ALPK2: variants seen among roughly 807,000 people sequenced by gnomAD.
ALPK2 encodes alpha-protein kinase 2.
A neutral mutation model predicts 163.1 loss-of-function variants in ALPK2; 127 were observed. That is an observed-to-expected ratio of 0.78 (90% confidence interval 0.67 to 0.90). The LOEUF (loss-of-function observed/expected upper bound fraction) is 0.90. ALPK2 is among the 40% of genes least tolerant of loss of function. The pLI, the probability that ALPK2 is intolerant of heterozygous loss-of-function variation, is 0.00. For missense variants in ALPK2, 2,360 were observed against 2,589.6 expected (o/e 0.91, Z 1.92); for synonymous variants, 953 against 959.1 (o/e 0.99, Z 0.12).
Position 58,536,976 on chromosome 18 carries a change from C to A in ALPK2, c.3211G>T (p.Glu1071Ter), listed in dbSNP as rs144840598. The A allele has an allele frequency of 1.9e-6, 3 of 1,614,060 alleles. No individual in the cohort carries two copies. The African/African-American group carries it at 4.0e-5, about 22-fold the overall frequency. The change falls in exon 5 of 13, where the codon GAG becomes TAG. Residue 1071 changes from glutamate (E) to a stop codon, truncating the protein, a stop_gained. Transcript: ENST00000361673. LOFTEE classifies it high-confidence loss of function. ...ACACTGGGTGCCCTGCAAAGTAGCT[C>A]TTTTGTAGATTTGATGGTAGCACCA... ...LSGATIKSTKELLCRAPSVPG... is the reference protein window; with the variant it reads ...LSGATIKSTK
Position 58,540,383 on chromosome 18 carries a change from C to G in ALPK2, c.1963-2159G>C, listed in dbSNP as rs538221871. On this transcript the variant is annotated intron_variant, in intron 4 of 12. Transcript: ENST00000361673. ...TCCCGGAAAGAAAAGTATATTTATT[C>G]CCTTTCTATATCCCTTTTTCTTCTT... Among the ~76,000 whole-genome samples, 3 of 152,244 alleles carry G rather than the reference C, an allele frequency of 2.0e-5. No homozygotes were observed. The South Asian group carries it at 6.2e-4, about 32-fold the overall frequency.
chr18:58,546,203 C>G (rs2051716684), intron 4 of ALPK2, among the ~76,000 whole-genome samples: 1 of 152,194 alleles, frequency 6.6e-6, no homozygotes, highest in East Asian at 1.9e-4. Flanking sequence ...CCTAAACACC[C>G]CTATATCTGA....
intron 6 of ALPK2, chr18:58,528,713 A>T (rs2051596408): frequency 4.5e-6 from 1 of 220,564 alleles, no homozygotes; most frequent in Non-Finnish European, 9.1e-6. Context: ...CTGGGAATTT[A>T]TGAAACAGAA....
chr18:58,573,306 ATATATATGTGTG>A (rs2051897875), intron 4 of ALPK2, among the ~76,000 whole-genome samples: 1 of 90,540 alleles, frequency 1.1e-5, no homozygotes, highest in Non-Finnish European at 2.3e-5. Context: ...ATATGTGTGT[ATATATATGTGTG>A]TATATATGTA....
At chr18:58,551,303 C>T (rs2051759001) in intron 4 of ALPK2, among the ~76,000 whole-genome samples, 1 of 152,144 alleles carries the variant, frequency 6.6e-6, no homozygotes, top group Admixed American at 6.5e-5. Flanking sequence ...TGGAGGTCCT[C>T]CCTTGCCTCT....
chr18:58,549,729 G>A lies in ALPK2; in HGVS notation c.1963-11505C>T, dbSNP rs116291653. On this transcript the variant is annotated intron_variant, in intron 4 of 12. Coordinates refer to ENST00000361673, the MANE Select transcript of ALPK2 (RefSeq NM_052947.4). ...ATAACAAAATTTTCTTTCTGATTAA[G>A]CCTATTCTGGTCCAATCCCTTGGGC... 4.5e-3 allele frequency among the ~76,000 whole-genome samples: 684 copies of A among 152,272 alleles called. 4 individuals carry two copies. The highest frequency in any genetic ancestry group is 0.015 in the African/African-American group (631 of 41,542).
At chr18:58,608,957 CAAA>C (rs1003841164) in intron 2 of ALPK2, among the ~76,000 whole-genome samples, 2 of 117,058 alleles carry the variant, frequency 1.7e-5, no homozygotes, top group Admixed American at 9.3e-5. Flanking sequence ...GACCTTGTCT[CAAA>C]AAAAAAAAAA....
chr18:58,559,110 T>G (rs1407947882), intron 4 of ALPK2, among the ~76,000 whole-genome samples: 3 of 152,244 alleles, frequency 2.0e-5, no homozygotes, highest in Non-Finnish European at 2.9e-5. Flanking sequence ...ACTATTTTCT[T>G]TCCCAACTGT....
chr18:58,603,413 C>G (rs1475894650), intron 3 of ALPK2, among the ~76,000 whole-genome samples: 1 of 152,210 alleles, frequency 6.6e-6, no homozygotes, highest in Non-Finnish European at 1.5e-5. Flanking sequence ...GCCCGGTGCT[C>G]TATGGACCTG....
In ALPK2 at chr18:58,523,948, G is replaced by T; in HGVS notation, c.5616C>A (p.Asn1872Lys). Reference protein sequence around the residue: ...NSYGKVTAEFNLTAEVLKQLS... With the variant: ...NSYGKVTAEFKLTAEVLKQLS... ...ACTGTGGTTTACCTTCAGCTGTGAG[G>T]TTAAATTCAGCAGTCACTTTTCCGT... Residue 1872 changes from asparagine (N) to lysine (K), a missense_variant, in exon 7 of 13, where the codon AAC (asparagine) becomes AAA (lysine). Transcript: ENST00000361673. The T allele has an allele frequency of 6.2e-7, 1 of 1,614,164 alleles. No homozygotes were observed. The highest frequency in any genetic ancestry group is 1.1e-5 in the South Asian group (1 of 91,078).
chr18:58,609,932 C>T (rs2052118845), intron 2 of ALPK2, among the ~76,000 whole-genome samples: 5 of 152,044 alleles, frequency 3.3e-5, no homozygotes, highest in African/African-American at 1.2e-4. Context: ...AGACAGAAGC[C>T]TGGGCTTGGA....
chr18:58,491,482 C>G (rs1179403035), intron 12 of ALPK2, among the ~76,000 whole-genome samples: 1 of 152,186 alleles, frequency 6.6e-6, no homozygotes, highest in Non-Finnish European at 1.5e-5. Context: ...AGATGTTTTT[C>G]AGACCCTGCC....
chr18:58,554,220 C>A (rs2051777145), intron 4 of ALPK2, among the ~76,000 whole-genome samples: 1 of 152,162 alleles, frequency 6.6e-6, no homozygotes, highest in South Asian at 2.1e-4. Flanking sequence ...GCTCAGCTAT[C>A]GTCTTTGGGG....
At chr18:58,555,082 A>G (rs561856516) in intron 4 of ALPK2, among the ~76,000 whole-genome samples, 2 of 152,334 alleles carry the variant, frequency 1.3e-5, no homozygotes, top group South Asian at 2.1e-4. Context: ...TCATAGCAGT[A>G]TGAAAATGGA....
chr18:58,589,276 C>G (rs140581471), intron 3 of ALPK2, among the ~76,000 whole-genome samples: 3 of 152,184 alleles, frequency 2.0e-5, no homozygotes, highest in Admixed American at 6.5e-5. Flanking sequence ...GGCTCCATTT[C>G]CAGAGATTCT....
chr18:58,523,689 T>A, intron 8 of ALPK2, 117 bp downstream of exon 8: 1 of 1,298,970 alleles, frequency 7.7e-7, no homozygotes, highest in Non-Finnish European at 1.1e-6. Context: ...ACGCCATAGC[T>A]CTCCTTCTCG....
At chr18:58,590,613 A>G (rs1442118021) in intron 3 of ALPK2, among the ~76,000 whole-genome samples, 1 of 152,202 alleles carries the variant, frequency 6.6e-6, no homozygotes, top group Non-Finnish European at 1.5e-5. Flanking sequence ...TGCTATCAAT[A>G]ATCATTTTTA....
chr18:58,531,530 T>C (rs1348858055), intron 5 of ALPK2, among the ~76,000 whole-genome samples: 1 of 151,910 alleles, frequency 6.6e-6, no homozygotes, highest in Admixed American at 6.6e-5. Context: ...GAAATTGCTG[T>C]TGCTTACACT....
At chr18:58,549,651 G>A (rs889374423) in intron 4 of ALPK2, among the ~76,000 whole-genome samples, 11 of 152,156 alleles carry the variant, frequency 7.2e-5, no homozygotes, top group African/African-American at 2.4e-4. Context: ...CTCTGAAACC[G>A]ATCCTGTCTT....
Sources: gnomAD v4.1 joint callset for allele counts (sites outside exome capture counted in the v4.1 genomes callset) on GRCh38, gnomAD v4.1.1 for gene constraint, MANE v1.5 for transcripts, NCBI Gene and HGNC (gene_info 2026-07-23, HGNC 2026-07-21) for gene names.